LGSN: variants seen among roughly 807,000 people sequenced by gnomAD.
The protein encoded by LGSN is lengsin, lens protein with glutamine synthetase domain.
In LGSN, 21 loss-of-function variants were observed where a neutral mutation model predicts 19.5. The ratio of observed to expected loss-of-function variants is 1.07; its 90% confidence interval spans 0.76 to 1.55. LGSN has a LOEUF of 1.55. Ranked by LOEUF, LGSN falls within the 40% of genes most tolerant of loss-of-function variation. The pLI, the probability that LGSN is intolerant of heterozygous loss-of-function variation, is 0.00. For synonymous variants in LGSN, 257 were observed against 215.6 expected, an observed-to-expected ratio of 1.19 and a Z score of -1.68; for missense variants, 673 against 608.5, an observed-to-expected ratio of 1.11 and a Z score of -1.12.
the LGSN span, among the ~76,000 whole-genome samples, chr6:63,548,113 A>T: frequency 2.0e-5 from 3 of 152,174 alleles, no homozygotes; most frequent in Non-Finnish European, 2.9e-5. Flanking sequence ...TAACCTCTTC[A>T]TGAAAGCCTT....
the LGSN span, among the ~76,000 whole-genome samples, chr6:63,445,092 C>T: frequency 3.4e-4 from 52 of 152,304 alleles, no homozygotes; most frequent in Admixed American, 7.9e-4. Flanking sequence ...GGGCGGATCA[C>T]CTGAGGTCAG....
At chr6:63,472,995 A>T in the LGSN span, among the ~76,000 whole-genome samples, 1 of 151,598 alleles carries the variant, frequency 6.6e-6, no homozygotes, top group Non-Finnish European at 1.5e-5. Flanking sequence ...TTTTTTGCCC[A>T]ATTCAAGGCC....
the LGSN span, among the ~76,000 whole-genome samples, chr6:63,495,469 T>TTTTG: frequency 9.2e-5 from 11 of 119,298 alleles, 1 homozygote; most frequent in Admixed American, 6.1e-4. Context: ...TTTTTTTTTT[T>TTTTG]TTTTTTTGAG....
At chr6:63,571,489 T>A in the LGSN span, 3 of 152,316 alleles carry the variant, frequency 2.0e-5, no homozygotes, top group African/African-American at 7.2e-5. Context: ...AAGACTTTAC[T>A]TCTTAGGGGC....
the LGSN span, among the ~76,000 whole-genome samples, chr6:63,474,439 T>C: frequency 6.6e-6 from 1 of 151,660 alleles, no homozygotes; most frequent in Non-Finnish European, 1.5e-5. Flanking sequence ...AAACCCCGTC[T>C]CTACTAAAAA....
chr6:63,288,105 C>A (rs1767614260), intron 2 of LGSN, among the ~76,000 whole-genome samples: 1 of 151,896 alleles, frequency 6.6e-6, no homozygotes, highest in South Asian at 2.1e-4. Flanking sequence ...GTAATCCCAG[C>A]TACTCAGGAG....
At chr6:63,442,115 GTTGT>G in the LGSN span, among the ~76,000 whole-genome samples, 6 of 152,164 alleles carry the variant, frequency 3.9e-5, no homozygotes, top group South Asian at 6.2e-4. Context: ...CGCATCTGGA[GTTGT>G]TTGTTCCTCA....
chr6:63,404,694 T>C, the LGSN span, among the ~76,000 whole-genome samples: 1 of 152,172 alleles, frequency 6.6e-6, no homozygotes, highest in Non-Finnish European at 1.5e-5. Context: ...AGGCCCCATC[T>C]TCTAATGTCA....
chr6:63,295,892 T>G (rs1411629890), intron 1 of LGSN, among the ~76,000 whole-genome samples: 1 of 152,170 alleles, frequency 6.6e-6, no homozygotes, highest in Non-Finnish European at 1.5e-5. Flanking sequence ...TTAAGGTTTT[T>G]TACAAACCCC....
the LGSN span, among the ~76,000 whole-genome samples, chr6:63,500,841 C>A: frequency 6.6e-6 from 1 of 152,130 alleles, no homozygotes; most frequent in Non-Finnish European, 1.5e-5. Context: ...GATTCTCCTG[C>A]CTTAGCCTAT....
the LGSN span, among the ~76,000 whole-genome samples, chr6:63,350,422 C>G: frequency 2.6e-4 from 40 of 152,318 alleles, no homozygotes; most frequent in African/African-American, 9.6e-4. Context: ...AGTTATTTGT[C>G]TGCAAACCAT....
chr6:63,533,832 TTTAATTAA>T, the LGSN span, among the ~76,000 whole-genome samples: 3 of 149,768 alleles, frequency 2.0e-5, no homozygotes, highest in Non-Finnish European at 3.0e-5. Context: ...AACAAACTTT[TTTAATTAA>T]TTAATTAATT....
chr6:63,505,593 G>GAAATAAAT, the LGSN span, among the ~76,000 whole-genome samples: 2 of 127,442 alleles, frequency 1.6e-5, no homozygotes, highest in African/African-American at 2.9e-5. Flanking sequence ...AAGAAAGAAA[G>GAAATAAAT]AAAGAAAGAA....
the LGSN span, among the ~76,000 whole-genome samples, chr6:63,448,939 A>C: frequency 6.6e-6 from 1 of 152,228 alleles, no homozygotes; most frequent in Non-Finnish European, 1.5e-5. Context: ...CAAATTTTTA[A>C]GTACAGTATA....
the LGSN span, chr6:63,572,294 C>G: frequency 4.9e-6 from 1 of 204,300 alleles, no homozygotes; most frequent in East Asian, 1.1e-4. Context: ...GGGGATGCTC[C>G]GACTCGGCGC....
chr6:63,390,739 G>T, the LGSN span, among the ~76,000 whole-genome samples: 1 of 151,080 alleles, frequency 6.6e-6, no homozygotes, highest in Non-Finnish European at 1.5e-5. Flanking sequence ...GGTGCCTGTA[G>T]TCCCAGCTAC....
chr6:63,320,143 A>T (rs1226405436), upstream of LGSN, among the ~76,000 whole-genome samples: 1 of 152,222 alleles, frequency 6.6e-6, no homozygotes, highest in East Asian at 1.9e-4. Context: ...CTGGAAATGC[A>T]CTAGAAGAAT....
Position 63,313,863 on chromosome 6 carries a change from AATAAATAC to A in LGSN, c.30+6043_30+6050del, listed in dbSNP as rs1390010225. Among the ~76,000 whole-genome samples, 263 of 150,554 alleles carry A rather than the reference AATAAATAC, an allele frequency of 1.7e-3. 1 individual carries two copies. The highest frequency in any genetic ancestry group is 5.5e-3 in the African/African-American group (223 of 40,734). ...AAATAAATAAATAAATAAATAAATA[AATAAATAC>A]ATACATACATACATACATACATGCA... is the stretch of plus-strand genomic sequence containing the variant. On this transcript the variant is annotated intron_variant, in intron 1 of 3. Coordinates refer to ENST00000370657, the MANE Select transcript of LGSN (RefSeq NM_016571.3).
At chr6:63,464,245 T>A in the LGSN span, among the ~76,000 whole-genome samples, 1 of 152,146 alleles carries the variant, frequency 6.6e-6, no homozygotes, top group Non-Finnish European at 1.5e-5. Flanking sequence ...AGTTTCCTCA[T>A]CTATAAAATG....
Sources: gnomAD v4.1 joint callset for allele counts (sites outside exome capture counted in the v4.1 genomes callset) on GRCh38, gnomAD v4.1.1 for gene constraint, MANE v1.5 for transcripts, NCBI Gene and HGNC (gene_info 2026-07-23, HGNC 2026-07-21) for gene names.